The following PTPRD variants were observed in gnomAD, a reference collection of about 807,000 sequenced individuals.
PTPRD encodes protein tyrosine phosphatase receptor type D, also known as receptor-type tyrosine-protein phosphatase delta.
In PTPRD, 34 loss-of-function variants were observed where a neutral mutation model predicts 214.5. The ratio of observed to expected loss-of-function variants is 0.16; its 90% CI spans 0.12 to 0.21. PTPRD has a LOEUF of 0.21. Ranked by LOEUF, PTPRD falls within the 10% of genes least tolerant of loss-of-function variation. The probability of loss-of-function intolerance (pLI) is 1.00; values close to 1 mark genes in which losing one functional copy is unlikely to be tolerated. For synonymous variants in PTPRD, 1,128 were observed against 845.7 expected (o/e 1.33, Z -5.79); for missense variants, 2,545 against 2,398.7 (o/e 1.06, Z -1.27).
intron 30 of PTPRD, among the ~76,000 whole-genome samples, chr9:8,480,998 G>A (rs1324865065): frequency 6.6e-6 from 1 of 152,018 alleles, no homozygotes; most frequent in African/African-American, 2.4e-5. Context: ...AGATTAGCCA[G>A]GCGTGGTGGT....
At chr9:9,575,846 C>G (rs1011117296) in intron 7 of PTPRD, among the ~76,000 whole-genome samples, 5 of 146,646 alleles carry the variant, frequency 3.4e-5, no homozygotes, top group Non-Finnish European at 6.0e-5. Context: ...GCAGTGGTAA[C>G]TTTATCAACA....
chr9:8,458,386 C>T lies in PTPRD; in HGVS notation c.3875+2025G>A, dbSNP rs139240999. 2.2e-4 allele frequency among the ~76,000 whole-genome samples: 33 copies of T among 152,154 alleles called. 1 individual carries two copies. In the South Asian group the frequency reaches 5.8e-3, roughly 27 times the overall value. On this transcript the variant is annotated intron_variant, in intron 33 of 45. Coordinates refer to ENST00000381196, the MANE Select transcript of PTPRD (RefSeq NM_002839.4). ...GTTGCTTGGTATGATTTAATGATAG[C>T]TATGTATATCCAAATAAAACATAAC...
In PTPRD at chr9:10,543,058, T is replaced by C. The variant is rs117509084; in HGVS notation, c.-600+69340A>G. ...AATCTACCTCAACAGGACAATTTTG[T>C]ATTTTTAGTAGAGATGGGGCTTATC... On this transcript the variant is annotated intron_variant, in intron 2 of 45. Transcript: ENST00000381196. Among the ~76,000 whole-genome samples the C allele has an allele frequency of 3.1e-4, 47 of 152,090 alleles. No individual in the cohort carries two copies. The East Asian group carries it at 8.9e-3, about 29-fold the overall frequency.
intron 2 of PTPRD, among the ~76,000 whole-genome samples, chr9:10,607,438 G>T (rs1199017455): frequency 6.6e-6 from 1 of 151,734 alleles, no homozygotes; most frequent in Non-Finnish European, 1.5e-5. Flanking sequence ...ATTTTGAAGA[G>T]AACAGATGTT....
chr9:9,859,577 G>C (rs1290413049), intron 5 of PTPRD, among the ~76,000 whole-genome samples: 2 of 152,186 alleles, frequency 1.3e-5, no homozygotes, highest in East Asian at 1.9e-4. Flanking sequence ...TTCAAGGAGA[G>C]AATGCTCTTG....
chr9:8,844,139 C>T (rs1601652933), intron 11 of PTPRD, among the ~76,000 whole-genome samples: 1 of 152,154 alleles, frequency 6.6e-6, no homozygotes, highest in Admixed American at 6.5e-5. Flanking sequence ...CTTAAAACAT[C>T]TAAAAGGTCA....
At chr9:10,257,294 T>C (rs945141495) in intron 3 of PTPRD, among the ~76,000 whole-genome samples, 2 of 152,194 alleles carry the variant, frequency 1.3e-5, no homozygotes, top group Non-Finnish European at 2.9e-5. Flanking sequence ...AGCATAACAT[T>C]ACTTTGCTTG....
At chr9:8,558,911 A>C (rs890120230) in intron 14 of PTPRD, among the ~76,000 whole-genome samples, 2 of 152,208 alleles carry the variant, frequency 1.3e-5, no homozygotes, top group African/African-American at 4.8e-5. Flanking sequence ...TAGAGGTAAT[A>C]TATATTCATC....
intron 5 of PTPRD, among the ~76,000 whole-genome samples, chr9:9,888,923 A>G (rs2072076367): frequency 6.6e-6 from 1 of 152,138 alleles, no homozygotes; most frequent in South Asian, 2.1e-4. Context: ...GGCAAACCCT[A>G]ACTGTTTAGA....
intron 5 of PTPRD, among the ~76,000 whole-genome samples, chr9:9,781,848 A>G (rs34400091): frequency 0.47 from 71,111 of 149,976 alleles, 17,929 homozygotes; most frequent in East Asian, 0.72. Flanking sequence ...GCTGGAGTGC[A>G]GTGGCGCAAT....
At chr9:9,541,829 A>ACTT (rs2077649673) in intron 8 of PTPRD, among the ~76,000 whole-genome samples, 2 of 151,814 alleles carry the variant, frequency 1.3e-5, no homozygotes, top group African/African-American at 2.4e-5. Context: ...TGGTGAGGTA[A>ACTT]TAACTATGGT....
intron 9 of PTPRD, among the ~76,000 whole-genome samples, chr9:9,353,286 A>C (rs2052232404): frequency 6.6e-6 from 1 of 152,004 alleles, no homozygotes; most frequent in Non-Finnish European, 1.5e-5. Flanking sequence ...TAAAATGTAT[A>C]AAAATGTTGT....
At chr9:10,308,476 A>C (rs1295398106) in intron 3 of PTPRD, among the ~76,000 whole-genome samples, 1 of 151,978 alleles carries the variant, frequency 6.6e-6, no homozygotes, top group East Asian at 1.9e-4. Context: ...TTTGTAGTAT[A>C]TTTTGAAGTT....
intron 31 of PTPRD, among the ~76,000 whole-genome samples, chr9:8,468,361 A>C (rs138971151): frequency 6.6e-6 from 1 of 152,088 alleles, no homozygotes; most frequent in African/African-American, 2.4e-5. Flanking sequence ...TGCAGTGAAA[A>C]GCTCATGATC....
chr9:10,581,918 A>AT (rs1278936651), intron 2 of PTPRD, among the ~76,000 whole-genome samples: 2 of 152,190 alleles, frequency 1.3e-5, no homozygotes, highest in Non-Finnish European at 2.9e-5. Flanking sequence ...AGAAAGTAGA[A>AT]TTTTCAATCA....
chr9:10,561,531 A>T (rs1206384823), intron 2 of PTPRD, among the ~76,000 whole-genome samples: 1 of 152,150 alleles, frequency 6.6e-6, no homozygotes, highest in Non-Finnish European at 1.5e-5. Context: ...TTTCAAAAAA[A>T]ATTTGTTGAA....
At chr9:9,937,221 A>G (rs2089833800) in intron 5 of PTPRD, among the ~76,000 whole-genome samples, 1 of 148,234 alleles carries the variant, frequency 6.7e-6, no homozygotes, top group Admixed American at 6.7e-5. Flanking sequence ...AACTTAAAGT[A>G]AAATAATAAA....
chr9:10,278,118 T>C (rs375124189), intron 3 of PTPRD, among the ~76,000 whole-genome samples: 27 of 150,526 alleles, frequency 1.8e-4, no homozygotes, highest in African/African-American at 4.6e-4. Flanking sequence ...ATAGCGCCAC[T>C]GCACTCCAGC....
At chr9:9,589,046 C>T (rs1019955469) in intron 7 of PTPRD, among the ~76,000 whole-genome samples, 7 of 151,822 alleles carry the variant, frequency 4.6e-5, no homozygotes, top group Non-Finnish European at 7.4e-5. Flanking sequence ...TGACCACTTC[C>T]GTATGCTTAT....
Sources: allele counts gnomAD v4.1 joint callset (sites outside exome capture counted in the v4.1 genomes callset), GRCh38; gene constraint gnomAD v4.1.1; transcripts MANE v1.5; gene names NCBI Gene and HGNC (gene_info 2026-07-23, HGNC 2026-07-21).